The following YTHDC2 variants were observed in gnomAD, a reference collection of about 807,000 sequenced individuals.
YTHDC2 encodes 3'-5' RNA helicase YTHDC2.
Under a neutral mutation model 174.9 loss-of-function variants are expected in YTHDC2, and 45 were observed. The ratio of observed to expected loss-of-function variants is 0.26; its 90% CI spans 0.20 to 0.33. YTHDC2 has a LOEUF of 0.33. YTHDC2 is among the 10% of genes least tolerant of loss of function. The pLI, the probability that YTHDC2 is intolerant of heterozygous loss-of-function variation, is 1.00. For missense variants in YTHDC2, 1,650 were observed against 1,723.7 expected (o/e 0.96, Z 0.76); for synonymous variants, 657 against 574.5 (o/e 1.14, Z -2.05).
intron 10 of YTHDC2, among the ~76,000 whole-genome samples, chr5:113,548,277 A>C (rs764850657): frequency 3.9e-5 from 6 of 152,194 alleles, no homozygotes; most frequent in Non-Finnish European, 5.9e-5. Flanking sequence ...AATATAGATG[A>C]GCTTAAAACA....
intron 10 of YTHDC2, among the ~76,000 whole-genome samples, chr5:113,542,974 T>G (rs1311780620): frequency 6.6e-6 from 1 of 152,252 alleles, no homozygotes; most frequent in Non-Finnish European, 1.5e-5. Context: ...TCCCTGGCTC[T>G]AACTTCTTGG....
At chr5:113,578,340 C>T (rs908544218) in intron 23 of YTHDC2, among the ~76,000 whole-genome samples, 2 of 151,774 alleles carry the variant, frequency 1.3e-5, no homozygotes, top group African/African-American at 4.9e-5. Context: ...GGACTATAGG[C>T]ATGAGTCACC....
At chr5:113,555,378 A>G (rs1193442068) in intron 16 of YTHDC2, among the ~76,000 whole-genome samples, 1 of 152,162 alleles carries the variant, frequency 6.6e-6, no homozygotes, top group Non-Finnish European at 1.5e-5. Context: ...TGAAAGGGAA[A>G]GTATAAGTAC....
At position 113,526,582 on chromosome 5, in the gene YTHDC2, A is replaced by G. The variant is rs1284694622; in HGVS notation, c.476-4A>G. ...ATTTTTTGTTCTTTTATTCATTTTC[A>G]AAGAAAACCGGGAAATGAGCAAGAC... On this transcript the variant is annotated splice_region_variant and splice_polypyrimidine_tract_variant and intron_variant, in intron 3 of 29. Coordinates refer to ENST00000161863, the MANE Select transcript of YTHDC2 (RefSeq NM_022828.5). 6.5e-7 allele frequency: 1 copy of G among 1,535,046 alleles called. No individual in the cohort carries two copies.
rs1461253477 is a variant in YTHDC2, at chr5:113,554,033, G to A, written c.2133+11G>A. 6.6e-6 allele frequency: 10 copies of A among 1,506,548 alleles called. No individual in the cohort carries two copies. In the Admixed American group the frequency reaches 2.1e-4, roughly 32 times the overall value. The allele number at this position is 1,506,548 out of a possible 1,614,324, so 93.3% of individuals were successfully genotyped here. A position where few individuals can be genotyped will look rare whatever the true frequency, so the allele number is the denominator to read the frequency against. Reference sequence around the variant, plus strand: ...GGTAAGGTGAAAGAGGTATGTATGGGTAAGTTGTAGTTTTACTTAAATGAA... The same window carrying A: ...GGTAAGGTGAAAGAGGTATGTATGGATAAGTTGTAGTTTTACTTAAATGAA... On this transcript the variant is annotated intron_variant, in intron 16 of 29. Transcript: ENST00000161863.
At chr5:113,549,445 G>A (rs143786330) in intron 12 of YTHDC2, among the ~76,000 whole-genome samples, 54 of 152,290 alleles carry the variant, frequency 3.5e-4, no homozygotes, top group South Asian at 1.0e-3. Flanking sequence ...AACTCACAGT[G>A]CCAATGAGAA....
intron 8 of YTHDC2, among the ~76,000 whole-genome samples, chr5:113,539,681 A>G (rs951157414): frequency 2.4e-4 from 36 of 152,152 alleles, no homozygotes; most frequent in Non-Finnish European, 7.4e-5. Flanking sequence ...ATTAGGGTTC[A>G]GATTTCTTTT....
intron 2 of YTHDC2, 79 bp from the exon 3 acceptor site, chr5:113,524,902 A>G (rs997805280): frequency 2.5e-5 from 27 of 1,063,430 alleles, no homozygotes; most frequent in Non-Finnish European, 3.1e-5. Context: ...TGCTTGAGAC[A>G]TATTTTCTAA....
At chr5:113,521,318 TTAAC>T (rs1334842171) in intron 2 of YTHDC2, among the ~76,000 whole-genome samples, 2 of 152,206 alleles carry the variant, frequency 1.3e-5, no homozygotes, top group Non-Finnish European at 2.9e-5. Flanking sequence ...CAGTTAATAC[TTAAC>T]TAATTATTTT....
At chr5:113,575,977 G>A (rs548621153) in intron 23 of YTHDC2, among the ~76,000 whole-genome samples, 33 of 152,280 alleles carry the variant, frequency 2.2e-4, no homozygotes, top group African/African-American at 7.5e-4. Context: ...TCAATTCTCA[G>A]ATTTTGGTTA....
Position 113,540,979 on chromosome 5 carries a change from C to G in YTHDC2, c.1222C>G (p.Gln408Glu). Reference protein sequence around the residue: ...KKEKQQEEKQQTTLTEWYSAQ... With the variant: ...KKEKQQEEKQETTLTEWYSAQ... ...GATAATTAATTTAGAAGAGAAACAA[C>G]AAACCACACTTACAGAATGGTACTC... Residue 408 changes from glutamine to glutamate, a missense_variant, in exon 9 of 30, where the codon CAA (glutamine) becomes GAA (glutamate). Gln to Glu is a conservative substitution (Grantham distance 29). This residue lies in a region of YTHDC2 where 411 missense variants were observed against 380.6 expected (regional missense o/e 1.08). Transcript: ENST00000161863. The G allele has an allele frequency of 6.2e-7, 1 of 1,611,342 alleles. No homozygotes were observed. Among genetic ancestry groups the G allele is most frequent in the Non-Finnish European group, 8.5e-7 (1 of 1,179,152 alleles).
chr5:113,592,242 TTTAA>T (rs1779048239), intron 28 of YTHDC2, 64 bp downstream of exon 28: 1 of 1,440,516 alleles, frequency 6.9e-7, no homozygotes, highest in East Asian at 2.4e-5. Flanking sequence ...TATCCAGTGC[TTTAA>T]TTGAGGAGAA....
chr5:113,592,333 C>G (rs1398073823), intron 28 of YTHDC2, 155 bp downstream of exon 28: 16 of 664,578 alleles, frequency 2.4e-5, no homozygotes, highest in Non-Finnish European at 3.7e-5. Flanking sequence ...ATAGTAAAAA[C>G]CTACTTGTAA....
Position 113,566,444 on chromosome 5 carries a change from AC to A in YTHDC2, c.2842+427del, listed in dbSNP as rs946841677. On this transcript the variant is annotated intron_variant, in intron 21 of 29. Transcript: ENST00000161863. ...AAAACAGCTAGTAATACTTGAAGTC[AC>A]CTTTTTTTTTTTTTTTTTTTGAAGA... 1.9e-3 allele frequency among the ~76,000 whole-genome samples: 267 copies of A among 138,650 alleles called. 2 individuals are homozygous for A. The highest frequency in any genetic ancestry group is 6.6e-3 in the African/African-American group (243 of 36,804). The allele number at this position is 138,650 out of a possible 152,430, so 91.0% of individuals were successfully genotyped here.
rs78943697 is a variant in YTHDC2, at chr5:113,548,232, T to C, written c.1496-309T>C. Among the ~76,000 whole-genome samples, 609 of 152,340 alleles carry C rather than the reference T, an allele frequency of 4.0e-3. 34 individuals carry two copies. The East Asian group carries it at 0.099, about 25-fold the overall frequency. Reference sequence around the variant, plus strand: ...TAGATTTAGGAAGATTATTTAAGGTTATGCAAGTTAATAGCTTTCCTTTTC... The same window carrying C: ...TAGATTTAGGAAGATTATTTAAGGTCATGCAAGTTAATAGCTTTCCTTTTC... On this transcript the variant is annotated intron_variant, in intron 10 of 29. Transcript: ENST00000161863.
At chr5:113,558,609 G>T (rs1243051270) in intron 17 of YTHDC2, among the ~76,000 whole-genome samples, 1 of 152,092 alleles carries the variant, frequency 6.6e-6, no homozygotes, top group African/African-American at 2.4e-5. Flanking sequence ...TTGGAAGAGT[G>T]TTTTCACTGG....
intron 7 of YTHDC2, among the ~76,000 whole-genome samples, chr5:113,538,621 G>A (rs1490571773): frequency 7.4e-6 from 1 of 134,784 alleles, no homozygotes; most frequent in East Asian, 2.0e-4. Context: ...CATTTTCTTA[G>A]TGAGGATACT....
chr5:113,585,996 A>G (rs1778661658), intron 26 of YTHDC2, among the ~76,000 whole-genome samples: 1 of 151,898 alleles, frequency 6.6e-6, no homozygotes. Context: ...GTGTCTAAAT[A>G]TGTTTTCTAT....
At chr5:113,560,030 A>C (rs527810544) in intron 17 of YTHDC2, among the ~76,000 whole-genome samples, 2 of 152,230 alleles carry the variant, frequency 1.3e-5, no homozygotes, top group South Asian at 4.1e-4. Flanking sequence ...GCTTTAGCAG[A>C]AAAACCCATA....
Sources: allele counts gnomAD v4.1 joint callset (sites outside exome capture counted in the v4.1 genomes callset), GRCh38; gene constraint gnomAD v4.1.1; regional missense constraint gnomAD v4.1.1; transcripts MANE v1.5; gene names NCBI Gene and HGNC (gene_info 2026-07-23, HGNC 2026-07-21).